TFCP2L1: variants seen among roughly 807,000 people sequenced by gnomAD.
The protein encoded by TFCP2L1 is transcription factor CP2 like 1.
Under a neutral mutation model 72.2 loss-of-function variants are expected in TFCP2L1, and 12 were observed. The observed-to-expected ratio is 0.17, with a 90% CI of 0.11 to 0.27. The LOEUF is 0.27. Ranked by LOEUF, TFCP2L1 falls within the 10% of genes least tolerant of loss-of-function variation. TFCP2L1 has a pLI of 1.00. For synonymous variants in TFCP2L1, 260 were observed against 251.0 expected (o/e 1.04, Z -0.34); for missense variants, 488 against 624.6 (o/e 0.78, Z 2.33).
At chr2:121,248,417 GA>G (rs1686534317) in intron 4 of TFCP2L1, 147 bp from the exon 5 acceptor site, 1 of 627,132 alleles carries the variant, frequency 1.6e-6, no homozygotes, top group African/African-American at 1.8e-5. Flanking sequence ...TTACTGGACG[GA>G]AAGCCTGACC....
At chr2:121,235,026 CA>C (rs1376899718) in intron 11 of TFCP2L1, among the ~76,000 whole-genome samples, 194 bp downstream of exon 11, 1 of 152,258 alleles carries the variant, frequency 6.6e-6, no homozygotes, top group Non-Finnish European at 1.5e-5. Context: ...CCACATCTCC[CA>C]CTGCAGTGTC....
chr2:121,283,475 C>A (rs1475305308), intron 1 of TFCP2L1, among the ~76,000 whole-genome samples: 1 of 152,166 alleles, frequency 6.6e-6, no homozygotes, highest in Non-Finnish European at 1.5e-5. Flanking sequence ...TCCATGGTCC[C>A]CCGATGACCC....
At chr2:121,226,637 CCT>C (rs1470384441) in intron 13 of TFCP2L1, among the ~76,000 whole-genome samples, 3 of 152,156 alleles carry the variant, frequency 2.0e-5, no homozygotes, top group African/African-American at 7.2e-5. Flanking sequence ...TCAGGAGCCT[CCT>C]CTCTGGAGTT....
At chr2:121,238,600 G>A (rs536672227) in intron 8 of TFCP2L1, among the ~76,000 whole-genome samples, 86 of 152,176 alleles carry the variant, frequency 5.7e-4, no homozygotes, top group African/African-American at 1.8e-3. Context: ...TCCCCAGACC[G>A]GTCATCAGTG....
chr2:121,243,821 T>TTGTA (rs1686428437), intron 6 of TFCP2L1, among the ~76,000 whole-genome samples: 1 of 152,086 alleles, frequency 6.6e-6, no homozygotes, highest in Non-Finnish European at 1.5e-5. Context: ...AATTATTTCA[T>TTGTA]TATATATTAC....
intron 13 of TFCP2L1, among the ~76,000 whole-genome samples, chr2:121,228,134 T>C (rs1294254136): frequency 6.6e-6 from 1 of 152,214 alleles, no homozygotes; most frequent in Non-Finnish European, 1.5e-5. Flanking sequence ...AAGGAGACTT[T>C]GGGGAATGAG....
At chr2:121,280,437 A>C (rs1029319334) in intron 2 of TFCP2L1, among the ~76,000 whole-genome samples, 1 of 152,170 alleles carries the variant, frequency 6.6e-6, no homozygotes, top group African/African-American at 2.4e-5. Context: ...GTATGTCTTC[A>C]AAGGACACAA....
chr2:121,276,715 A>G (rs556125513), intron 2 of TFCP2L1, among the ~76,000 whole-genome samples: 2 of 152,254 alleles, frequency 1.3e-5, no homozygotes, highest in East Asian at 3.9e-4. Flanking sequence ...AGGAAAAGTC[A>G]GGCAATAACT....
chr2:121,240,435 A>G (rs1022025870), intron 7 of TFCP2L1: 1 of 985,320 alleles, frequency 1.0e-6, no homozygotes, highest in African/African-American at 1.7e-5. Flanking sequence ...GCATTCCCGA[A>G]GATTTACTAT....
intron 13 of TFCP2L1, 35 bp downstream of exon 13, chr2:121,231,791 C>A (rs1292218149): frequency 3.1e-6 from 5 of 1,607,202 alleles, no homozygotes; most frequent in Non-Finnish European, 4.2e-6. Flanking sequence ...TGGCCCAGAG[C>A]CCGTTGTCGG....
At chr2:121,244,886 T>C (rs957738366) in intron 6 of TFCP2L1, among the ~76,000 whole-genome samples, 3 of 152,084 alleles carry the variant, frequency 2.0e-5, no homozygotes, top group Non-Finnish European at 2.9e-5. Flanking sequence ...CACACAGCCA[T>C]GCAGGTGTCC....
intron 8 of TFCP2L1, among the ~76,000 whole-genome samples, chr2:121,239,161 T>C (rs556705390): frequency 2.0e-5 from 3 of 152,186 alleles, no homozygotes; most frequent in East Asian, 3.9e-4. Context: ...GAGAGGACCC[T>C]AGCCAGACCC....
intron 2 of TFCP2L1, among the ~76,000 whole-genome samples, chr2:121,280,459 A>G (rs1168205323): frequency 1.3e-5 from 2 of 152,158 alleles, no homozygotes; most frequent in African/African-American, 4.8e-5. Flanking sequence ...CATGGTCACA[A>G]TAAATAATCA....
chr2:121,225,690 C>G, intron 13 of TFCP2L1, 77 bp from the exon 14 acceptor site: 1 of 1,519,214 alleles, frequency 6.6e-7, no homozygotes, highest in Non-Finnish European at 9.1e-7. Context: ...AGAGCCTAGC[C>G]ATGCGCAGCT....
intron 2 of TFCP2L1, among the ~76,000 whole-genome samples, chr2:121,267,706 G>A (rs1306715977): frequency 1.3e-5 from 2 of 152,070 alleles, no homozygotes; most frequent in Non-Finnish European, 2.9e-5. Context: ...TGTTAGCCAG[G>A]ATGGTCTCGA....
At chr2:121,256,183 T>C (rs147790270) in intron 2 of TFCP2L1, among the ~76,000 whole-genome samples, 1 of 152,212 alleles carries the variant, frequency 6.6e-6, no homozygotes, top group Non-Finnish European at 1.5e-5. Flanking sequence ...CTCATGAATG[T>C]GTAACCATGC....
chr2:121,249,369 G>A (rs1404160693), intron 3 of TFCP2L1, among the ~76,000 whole-genome samples: 3 of 152,152 alleles, frequency 2.0e-5, no homozygotes, highest in Non-Finnish European at 2.9e-5. Context: ...AAAGTTCAAC[G>A]CTGCCAGCCC....
Position 121,248,235 on chromosome 2 carries a change from C to A in TFCP2L1, c.433G>T (p.Ala145Ser), listed in dbSNP as rs759002950. Residue 145 changes from alanine to serine, a missense_variant, in exon 5 of 15, where the codon GCC (alanine) becomes TCC (serine). Ala to Ser is a moderately conservative substitution (Grantham distance 99). Transcript: ENST00000263707. ...ACTGCATTCAGCTGGGTCGGGCTGG[C>A]CCTGGGGTCCAAGATACCAACAGAC... ...PLSVGILDPR[A>S]SPTQLNAVEF... The A allele has an allele frequency of 1.2e-6, 2 of 1,613,998 alleles. No individual in the cohort carries two copies. Among genetic ancestry groups the A allele is most frequent in the African/African-American group, 1.3e-5 (1 of 75,024 alleles).
Position 121,224,171 on chromosome 2 carries a change from G to C in TFCP2L1, c.*170C>G. 1.5e-6 allele frequency: 1 copy of C among 662,226 alleles called. No homozygotes were observed. The highest frequency in any genetic ancestry group is 2.6e-6 in the Non-Finnish European group (1 of 383,408). The allele number at this position is 662,226 out of a possible 1,614,324, so 41.0% of individuals were successfully genotyped here. On this transcript the variant is annotated 3_prime_UTR_variant, in exon 15 of 15. Transcript: ENST00000263707. ...CACTGGCTTTCTGTACACCGTACTT[G>C]GTGTCCACAGGCTTCTGCTGGTTGG... is the stretch of plus-strand genomic sequence containing the variant.
Sources: allele counts gnomAD v4.1 joint callset (sites outside exome capture counted in the v4.1 genomes callset), GRCh38; gene constraint gnomAD v4.1.1; transcripts MANE v1.5; gene names NCBI Gene and HGNC (gene_info 2026-07-23, HGNC 2026-07-21).